The following RMDN1 variants were observed in gnomAD, a reference collection of about 807,000 sequenced individuals.
RMDN1 encodes the protein regulator of microtubule dynamics 1, also known as regulator of microtubule dynamics protein 1.
A neutral mutation model predicts 48.9 loss-of-function variants in RMDN1; 48 were observed. That is an observed-to-expected ratio of 0.98 (90% CI 0.78 to 1.25). The LOEUF is 1.25. Ranked by LOEUF, RMDN1 falls within the 50% of genes most tolerant of loss-of-function variation. The pLI, the probability that RMDN1 is intolerant of heterozygous loss-of-function variation, is 0.00. For synonymous variants in RMDN1, 148 were observed against 132.6 expected (o/e 1.12, Z -0.80); for missense variants, 418 against 373.4 (o/e 1.12, Z -0.98).
Position 86,489,436 on chromosome 8 carries a change from A to C in RMDN1, c.248-797T>G, listed in dbSNP as rs1816074023. ...TATTATTCAGAAACATGTACATTTA[A>C]TTTTGTCTTCTATAAGGGTACTGTA... On this transcript the variant is annotated intron_variant, in intron 2 of 9. Transcript: ENST00000406452. Among the ~76,000 whole-genome samples, 3 of 152,294 alleles carry C rather than the reference A, an allele frequency of 2.0e-5. No homozygotes were observed. In the South Asian group the frequency reaches 6.2e-4, roughly 32 times the overall value.
intron 5 of RMDN1, among the ~76,000 whole-genome samples, chr8:86,481,226 A>G (rs1042816757): frequency 2.6e-5 from 4 of 152,216 alleles, no homozygotes; most frequent in African/African-American, 9.6e-5. Flanking sequence ...TTCAAGTCAC[A>G]GCTTAATGAC....
chr8:86,497,240 CAA>C (rs534153538), intron 2 of RMDN1, among the ~76,000 whole-genome samples: 4 of 152,060 alleles, frequency 2.6e-5, no homozygotes, highest in Non-Finnish European at 5.9e-5. Context: ...AGCAGAGAAA[CAA>C]GAGCAAACCA....
intron 8 of RMDN1, among the ~76,000 whole-genome samples, chr8:86,475,997 A>C (rs1813310080): frequency 6.6e-6 from 1 of 152,170 alleles, no homozygotes; most frequent in South Asian, 2.1e-4. Context: ...AAATGTTCAT[A>C]GTATTGAGTG....
downstream of RMDN1, chr8:86,470,087 T>C (rs1279616704): frequency 8.0e-6 from 9 of 1,119,208 alleles, no homozygotes; most frequent in South Asian, 9.3e-5. Context: ...TAGGTTCTTA[T>C]AGAATCACGG....
intron 2 of RMDN1, among the ~76,000 whole-genome samples, chr8:86,502,856 C>CTT (rs1179284967): frequency 6.6e-6 from 1 of 152,124 alleles, no homozygotes; most frequent in Non-Finnish European, 1.5e-5. Context: ...CCCCCCAACT[C>CTT]TTCAAACTCA....
At position 86,480,274 on chromosome 8, in the gene RMDN1, T is replaced by C. The variant is rs758481609; in HGVS notation, c.641+3A>G. The C allele has an allele frequency of 6.7e-7, 1 of 1,497,776 alleles. No homozygotes were observed. The highest frequency in any genetic ancestry group is 2.3e-5 in the East Asian group (1 of 43,126). The allele number at this position is 1,497,776 out of a possible 1,614,324, so 92.8% of individuals were successfully genotyped here. On this transcript the variant is annotated splice_donor_region_variant and intron_variant, in intron 6 of 9. Coordinates refer to ENST00000406452, the MANE Select transcript of RMDN1 (RefSeq NM_016033.3). ...ACTGAAATATTTAAAGAAATTTTCT[T>C]ACCAAATACCCATAAGGTGAATTGA...
chr8:86,507,586 C>T (rs538783508), intron 1 of RMDN1, among the ~76,000 whole-genome samples: 57 of 152,252 alleles, frequency 3.7e-4, no homozygotes, highest in African/African-American at 1.3e-3. Flanking sequence ...GCAATCCTTC[C>T]GCCTCGGCTT....
At chr8:86,481,265 T>TA (rs1814358247) in intron 5 of RMDN1, among the ~76,000 whole-genome samples, 1 of 152,204 alleles carries the variant, frequency 6.6e-6, no homozygotes, top group South Asian at 2.1e-4. Context: ...TCTATATTCT[T>TA]ACCACAACTG....
At chr8:86,468,887 T>C (rs1019622942), downstream of RMDN1, among the ~76,000 whole-genome samples, 3 of 152,090 alleles carry the variant, frequency 2.0e-5, no homozygotes, top group South Asian at 6.2e-4. Flanking sequence ...CCCTTCCCAT[T>C]CCTGTTCTGT....
chr8:86,474,758 T>G (rs1813085933), intron 9 of RMDN1, 62 bp downstream of exon 9: 17 of 1,474,814 alleles, frequency 1.2e-5, no homozygotes, highest in Non-Finnish European at 1.6e-5. Context: ...AAAGAAGTTC[T>G]TAATTCACCA....
rs1812738471 is a variant in RMDN1, at chr8:86,472,685, T to C, written c.*1623A>G. On this transcript the variant is annotated 3_prime_UTR_variant, in exon 10 of 10. Transcript: ENST00000406452. ...TTTTTTTTTGCCATCCTTGTTCCTG[T>C]GCGAGTTATGTCATATTTTTTACTG... 1 of 541,430 alleles carries C rather than the reference T, an allele frequency of 1.8e-6. No individual in the cohort carries two copies. The allele number at this position is 541,430 out of a possible 1,614,324, so 33.5% of individuals were successfully genotyped here.
Position 86,473,613 on chromosome 8 carries a change from A to G in RMDN1, c.*695T>C. 1.0e-5 allele frequency: 4 copies of G among 397,938 alleles called. No individual in the cohort carries two copies. The highest frequency in any genetic ancestry group is 1.4e-5 in the Non-Finnish European group (4 of 293,382). The allele number at this position is 397,938 out of a possible 1,614,324, so 24.7% of individuals were successfully genotyped here. Reference sequence around the variant, plus strand: ...AAACCCCATCTCTACCAAAAATACAAAAGTTAGCCGAGTGTGGTGGTACAA... The same window carrying G: ...AAACCCCATCTCTACCAAAAATACAGAAGTTAGCCGAGTGTGGTGGTACAA... On this transcript the variant is annotated 3_prime_UTR_variant, in exon 10 of 10. Transcript: ENST00000406452.
rs143734293 is a variant in RMDN1, at chr8:86,474,342, G to A, written c.911C>T (p.Ala304Val). 5.0e-6 allele frequency: 8 copies of A among 1,612,974 alleles called. No individual in the cohort carries two copies. The African/African-American group carries it at 1.1e-4, about 22-fold the overall frequency. The stretch of plus-strand genomic sequence containing the variant: ...CTCACTGAAACTTGTAAGCAACTGA[G>A]CAGCTTCTGTCTGTATCTAAAATGG... Reference protein sequence around the residue: ...EEDKQIQTEAAQLLTSFSEKN With the variant: ...EEDKQIQTEAVQLLTSFSEKN Residue 304 changes from alanine (A) to valine (V), a missense_variant, in exon 10 of 10, where the codon GCT becomes GTT. Transcript: ENST00000406452.
In RMDN1 at chr8:86,472,749, G is replaced by A; in HGVS notation, c.*1559C>T. ...CATGAATAAGTATAAGAAAATAACTGCTTATTGGTAGCATATACATTCAGT... is the reference window on the plus strand; with the variant it reads ...CATGAATAAGTATAAGAAAATAACTACTTATTGGTAGCATATACATTCAGT... On this transcript the variant is annotated 3_prime_UTR_variant, in exon 10 of 10. Transcript: ENST00000406452. 5.3e-6 allele frequency: 2 copies of A among 379,458 alleles called. No individual in the cohort carries two copies. Among genetic ancestry groups the A allele is most frequent in the Non-Finnish European group, 9.3e-6 (2 of 213,904 alleles). The allele number at this position is 379,458 out of a possible 1,614,324, so 23.5% of individuals were successfully genotyped here.
At chr8:86,470,627 C>T (rs1184917400), downstream of RMDN1, among the ~76,000 whole-genome samples, 1 of 152,032 alleles carries the variant, frequency 6.6e-6, no homozygotes, top group Admixed American at 6.5e-5. Context: ...TTTGTAATAG[C>T]TAAAAATCAG....
intron 5 of RMDN1, chr8:86,482,691 CA>C: frequency 1.0e-6 from 1 of 964,820 alleles, no homozygotes; most frequent in East Asian, 2.4e-5. Context: ...AGTTCATGAT[CA>C]AGGGGACCCC....
chr8:86,472,322 A>G (rs1252328276), downstream of RMDN1: 4 of 649,040 alleles, frequency 6.2e-6, no homozygotes, highest in South Asian at 5.1e-5. Flanking sequence ...TCCACATCTG[A>G]CCTCACATAA....
At chr8:86,481,900 G>A in intron 5 of RMDN1, 2 of 771,972 alleles carry the variant, frequency 2.6e-6, no homozygotes, top group Non-Finnish European at 4.3e-6. Flanking sequence ...TCAACAAAGT[G>A]GGGTGGCTCG....
chr8:86,488,561 T>A lies in RMDN1; in HGVS notation c.326A>T (p.Tyr109Phe). 6.2e-7 allele frequency: 1 copy of A among 1,606,266 alleles called. No individual in the cohort carries two copies. The highest frequency in any genetic ancestry group is 8.5e-7 in the Non-Finnish European group (1 of 1,175,568). The part of the protein sequence containing the change: ...TEKLYQLLTQ[Y>F]KESEDAELLW... ...ATCCTACATTGCTTACCTTTCCTTG[T>A]ATTGGGTTAGCAACTGATAAAGTTT... The change falls in exon 3 of 10, where the codon TAC becomes TTC. Residue 109 changes from tyrosine to phenylalanine, a missense_variant. Tyr to Phe is a conservative substitution (Grantham distance 22). Transcript: ENST00000406452.
Sources: gnomAD v4.1 joint callset for allele counts (sites outside exome capture counted in the v4.1 genomes callset) on GRCh38, gnomAD v4.1.1 for gene constraint, MANE v1.5 for transcripts, NCBI Gene and HGNC (gene_info 2026-07-23, HGNC 2026-07-21) for gene names.